The following TRPM4 variants were observed in gnomAD, a reference collection of about 807,000 sequenced individuals.
TRPM4 encodes the protein calcium-activated non-selective cation channel 1.
TRPM4 carries 124 observed loss-of-function variants against 135.6 expected under a neutral mutation model. That is an observed-to-expected ratio of 0.91 (90% CI 0.79 to 1.06). The LOEUF is 1.06. Ranked by LOEUF, TRPM4 falls within the 50% of genes least tolerant of loss-of-function variation. TRPM4 has a pLI of 0.00. For missense variants in TRPM4, 1,658 were observed against 1,671.4 expected (o/e 0.99, Z 0.14); for synonymous variants, 745 against 705.6 (o/e 1.06, Z -0.88).
At chr19:49,166,345 C>T in intron 3 of TRPM4, 130 bp downstream of exon 3, 1 of 932,858 alleles carries the variant, frequency 1.1e-6, no homozygotes, top group Non-Finnish European at 1.6e-6. Context: ...CTCTTTGTCC[C>T]CTCCGCCCCA....
intron 16 of TRPM4, among the ~76,000 whole-genome samples, chr19:49,194,181 C>T (rs920287281): frequency 4.0e-5 from 6 of 151,400 alleles, no homozygotes; most frequent in African/African-American, 9.7e-5. Flanking sequence ...CCTGCTTCTC[C>T]GCCTTCTCCT....
At chr19:49,192,595 A>G (rs1382143386) in intron 16 of TRPM4, among the ~76,000 whole-genome samples, 1 of 152,170 alleles carries the variant, frequency 6.6e-6, no homozygotes, top group Non-Finnish European at 1.5e-5. Context: ...CAAATACCCC[A>G]TGTTCTCACT....
chr19:49,183,141 C>T lies in TRPM4; in HGVS notation c.1672C>T (p.Pro558Ser), dbSNP rs1210530442. Residue 558 changes from proline to serine, a missense_variant, in exon 12 of 25, where the codon CCC becomes TCC. Physicochemically the swap from Pro to Ser is moderately conservative, Grantham distance 74. Coordinates refer to ENST00000252826, the MANE Select transcript of TRPM4 (RefSeq NM_017636.4). ...LSLDAGLGQA[P>S]WSDLLLWALL... ...GCTGGATGCTGGCCTCGGGCAGGCC[C>T]CCTGGAGCGACCTGCTTCTTTGGGC... is the stretch of plus-strand genomic sequence containing the variant. 9.9e-6 allele frequency: 16 copies of T among 1,614,016 alleles called. No individual in the cohort carries two copies. The highest frequency in any genetic ancestry group is 1.7e-5 in the Admixed American group (1 of 60,022).
chr19:49,202,536 A>G (rs2145974242), intron 20 of TRPM4, among the ~76,000 whole-genome samples: 1 of 151,946 alleles, frequency 6.6e-6, no homozygotes, highest in South Asian at 2.1e-4. Flanking sequence ...ATTTTTGGAG[A>G]GAGGGGTCTC....
chr19:49,164,375 T>G (rs866925473), intron 2 of TRPM4, among the ~76,000 whole-genome samples: 92 of 88,030 alleles, frequency 1.0e-3, no homozygotes, highest in South Asian at 1.7e-3. Flanking sequence ...TTTTTTTTTT[T>G]TTTTTTTTTT....
intron 2 of TRPM4, 69 bp from the exon 3 acceptor site, chr19:49,165,972 T>A (rs1227292852): frequency 1.4e-6 from 2 of 1,481,416 alleles, no homozygotes; most frequent in Non-Finnish European, 1.8e-6. Context: ...TACAGGAGCA[T>A]GAACACGCTG....
chr19:49,166,230 T>C lies in TRPM4; in HGVS notation c.267+15T>C. 1 of 1,586,962 alleles carries C rather than the reference T, an allele frequency of 6.3e-7. No individual in the cohort carries two copies. Among genetic ancestry groups the C allele is most frequent in the Non-Finnish European group, 8.6e-7 (1 of 1,167,866 alleles). ...AGCACAGCAATGTGAGGCGGGCCTC[T>C]GTGGGCGGGGCCCGGGCACCAGGGG... On this transcript the variant is annotated intron_variant, in intron 3 of 24. Coordinates refer to ENST00000252826, the MANE Select transcript of TRPM4 (RefSeq NM_017636.4).
chr19:49,164,239 T>C (rs879556319), intron 2 of TRPM4, among the ~76,000 whole-genome samples: 4 of 150,190 alleles, frequency 2.7e-5, no homozygotes, highest in Non-Finnish European at 5.9e-5. Flanking sequence ...CTCTCTCTCT[T>C]TCTTTCTTTC....
chr19:49,182,636 T>G lies in TRPM4; in HGVS notation c.1322T>G (p.Val441Gly). The part of the protein sequence containing the change: ...DALLNDRPEF[V>G]RLLISHGLSL... ...CTGCTGAATGACCGGCCTGAGTTCG[T>G]GCGCTTGCTCATTTCCCACGGCCTC... is the stretch of plus-strand genomic sequence containing the variant. Residue 441 changes from valine (V) to glycine (G), a missense_variant, in exon 11 of 25, where the codon GTG (valine) becomes GGG (glycine). Around this residue, in one of 3 missense-constraint regions of TRPM4, gnomAD observed 1,412 missense variants for 1,408.7 expected, o/e 1.00. Coordinates refer to ENST00000252826, the MANE Select transcript of TRPM4 (RefSeq NM_017636.4). 6.2e-7 allele frequency: 1 copy of G among 1,614,198 alleles called. No homozygotes were observed. The highest frequency in any genetic ancestry group is 8.5e-7 in the Non-Finnish European group (1 of 1,180,042).
At chr19:49,206,452 T>C (rs1182948017) in intron 20 of TRPM4, among the ~76,000 whole-genome samples, 7 of 151,986 alleles carry the variant, frequency 4.6e-5, no homozygotes, top group African/African-American at 1.7e-4. Flanking sequence ...TTTTTTCTTT[T>C]TTTTGAGACA....
At chr19:49,192,028 A>C (rs998563429) in intron 16 of TRPM4, among the ~76,000 whole-genome samples, 1 of 152,102 alleles carries the variant, frequency 6.6e-6, no homozygotes, top group Non-Finnish European at 1.5e-5. Context: ...GGGATTTTTC[A>C]CCTATTTTGT....
Position 49,210,168 on chromosome 19 carries a change from G to T in TRPM4, c.3132-41G>T, listed in dbSNP as rs549432750. ...TAACCTTCGTCCTTGCCCCTGGCTG[G>T]GCCCTGACCTCAAGTGACCTTTGAC... On this transcript the variant is annotated intron_variant, in intron 20 of 24. Transcript: ENST00000252826. This position sits in a 1 kb window ranked among gnomAD's most constrained non-coding sequence, Gnocchi z 4.1. 6.2e-7 allele frequency: 1 copy of T among 1,609,180 alleles called. No individual in the cohort carries two copies. The highest frequency in any genetic ancestry group is 1.1e-5 in the South Asian group (1 of 90,978).
chr19:49,173,810 A>G lies in TRPM4; in HGVS notation c.1150+1702A>G, dbSNP rs544314382. Among the ~76,000 whole-genome samples, 229 of 151,268 alleles carry G rather than the reference A, an allele frequency of 1.5e-3. 1 individual carries two copies. Among genetic ancestry groups the G allele is most frequent in the African/African-American group, 5.3e-3 (217 of 41,166 alleles). On this transcript the variant is annotated intron_variant, in intron 9 of 24. Coordinates refer to ENST00000252826, the MANE Select transcript of TRPM4 (RefSeq NM_017636.4). ...GTAGCTGGGAACATACCCGCCCACC[A>G]CTACACCTGGTAAATTAAACAAAAA... is the stretch of plus-strand genomic sequence containing the variant.
chr19:49,206,409 G>C (rs1185467630), intron 20 of TRPM4, among the ~76,000 whole-genome samples: 1 of 151,838 alleles, frequency 6.6e-6, no homozygotes, highest in African/African-American at 2.4e-5. Context: ...CTGTCAAAAA[G>C]GTTGTTGGAA....
intron 10 of TRPM4, among the ~76,000 whole-genome samples, chr19:49,182,074 A>ATCCATCCATCCC (rs1967954657): frequency 7.5e-6 from 1 of 133,652 alleles, no homozygotes; most frequent in Non-Finnish European, 1.6e-5. Context: ...CCATCCATCC[A>ATCCATCCATCCC]TCCATCCATC....
At position 49,168,291 on chromosome 19, in the gene TRPM4, G is replaced by T. The variant is rs758100348; in HGVS notation, c.480G>T (p.Thr160=). 3 of 1,614,078 alleles carry T rather than the reference G, an allele frequency of 1.9e-6. No homozygotes were observed. The African/African-American group carries it at 4.0e-5, about 22-fold the overall frequency. ...GAWIVTGGLH[T]GIGRHVGVAV... ...GGATTGTCACTGGGGGTCTGCACAC[G>T]GGCATCGGCCGGCATGTTGGTGTGG... Residue 160 remains threonine (T), a synonymous_variant, in exon 5 of 25, where the codon ACG becomes ACT. Coordinates refer to ENST00000252826, the MANE Select transcript of TRPM4 (RefSeq NM_017636.4).
intron 9 of TRPM4, among the ~76,000 whole-genome samples, chr19:49,174,761 AC>A (rs1338824762): frequency 1.0e-4 from 15 of 147,488 alleles, no homozygotes; most frequent in Non-Finnish European, 2.0e-4. Context: ...AAAAAAAAAA[AC>A]CTAAATAAAT....
Position 49,211,756 on chromosome 19 carries a change from G to T in TRPM4, c.*258G>T. The T allele has an allele frequency of 1.7e-6, 1 of 588,854 alleles. No homozygotes were observed. 36.5% of individuals were successfully genotyped at this position (588,854 alleles called of 1,614,324 possible). A position where few individuals can be genotyped will look rare whatever the true frequency, so the allele number is the denominator to read the frequency against. On this transcript the variant is annotated 3_prime_UTR_variant, in exon 25 of 25. Transcript: ENST00000252826. The surrounding 1 kb of genome is among the most constrained non-coding windows in gnomAD (Gnocchi z 4.8). ...CCGTTATCCATCTGGAGGCTGCAGG[G>T]TCCTTGGGGTAACAGGGACCACAGA... is the stretch of plus-strand genomic sequence containing the variant.
rs12983475 is a variant in TRPM4, at chr19:49,187,544, C to T, written c.1744-1097C>T. On this transcript the variant is annotated intron_variant, in intron 12 of 24. Coordinates refer to ENST00000252826, the MANE Select transcript of TRPM4 (RefSeq NM_017636.4). ...AAAAAAAATTTTGTAGAGATGGAGT[C>T]TCACCATGTTGCCTGGCTGGTCTTG... Among the ~76,000 whole-genome samples the T allele has an allele frequency of 4.3e-3, 651 of 152,162 alleles. 4 individuals carry two copies. The highest frequency in any genetic ancestry group is 0.017 in the Middle Eastern group (5 of 294).
Sources: allele counts gnomAD v4.1 joint callset (sites outside exome capture counted in the v4.1 genomes callset), GRCh38; gene constraint gnomAD v4.1.1; regional missense constraint gnomAD v4.1.1; non-coding constraint Gnocchi (gnomAD v3.1); transcripts MANE v1.5; gene names NCBI Gene and HGNC (gene_info 2026-07-23, HGNC 2026-07-21).